Variants in ZYG11B observed in about 807,000 individuals in gnomAD.
ZYG11B encodes protein zyg-11 homolog B.
A neutral mutation model predicts 82.4 loss-of-function variants in ZYG11B; 36 were observed. The ratio of observed to expected loss-of-function variants is 0.44; its 90% CI spans 0.33 to 0.58. The LOEUF is 0.58. Among genes scored for constraint, ZYG11B ranks in the 20% least tolerant of loss-of-function variants. ZYG11B has a pLI of 0.02. For synonymous variants in ZYG11B, 303 were observed against 312.8 expected (o/e 0.97, Z 0.33); for missense variants, 552 against 895.6 (o/e 0.62, Z 4.90).
chr1:52,783,886 G>GTACATACACGTGTGTGTGTATA (rs1644884382), intron 4 of ZYG11B, among the ~76,000 whole-genome samples: 3 of 136,584 alleles, frequency 2.2e-5, no homozygotes, highest in Admixed American at 7.2e-5. Flanking sequence ...GTGTGTATAT[G>GTACATACACGTGTGTGTGTATA]TACATACACG....
intron 2 of ZYG11B, among the ~76,000 whole-genome samples, chr1:52,764,477 C>T (rs544575642): frequency 5.3e-5 from 8 of 152,056 alleles, no homozygotes; most frequent in African/African-American, 1.9e-4. Flanking sequence ...TTCTATAAAT[C>T]GGTCCTAGGT....
At chr1:52,798,727 T>C (rs1013298248) in intron 8 of ZYG11B, among the ~76,000 whole-genome samples, 2 of 152,210 alleles carry the variant, frequency 1.3e-5, no homozygotes, top group African/African-American at 4.8e-5. Context: ...GGGAAGCAGA[T>C]ACATGATTTT....
intron 2 of ZYG11B, among the ~76,000 whole-genome samples, chr1:52,770,115 A>G (rs1644737222): frequency 7.1e-6 from 1 of 141,552 alleles, no homozygotes; most frequent in African/African-American, 2.6e-5. Context: ...TTTCAGAGAC[A>G]GGTTCTCACT....
chr1:52,803,121 C>CAT (rs1183952286), intron 10 of ZYG11B, among the ~76,000 whole-genome samples: 5,625 of 51,978 alleles, frequency 0.11, 723 homozygotes, highest in East Asian at 0.26. Flanking sequence ...TATATATACA[C>CAT]ACATATATAT....
intron 10 of ZYG11B, among the ~76,000 whole-genome samples, chr1:52,803,221 TATACACACATATATATATACAC>T (rs1645105424): frequency 1.4e-5 from 1 of 74,040 alleles, no homozygotes; most frequent in Admixed American, 1.7e-4. Flanking sequence ...CATATATATA[TATACACACATATATATATACAC>T]ACACACATAT....
chr1:52,748,338 A>G (rs1483321852), intron 1 of ZYG11B, among the ~76,000 whole-genome samples: 1 of 152,120 alleles, frequency 6.6e-6, no homozygotes, highest in Non-Finnish European at 1.5e-5. Context: ...TATCTCTGAT[A>G]TGTAAATTAA....
intron 8 of ZYG11B, among the ~76,000 whole-genome samples, chr1:52,797,886 G>A (rs193155463): frequency 3.3e-5 from 5 of 152,120 alleles, no homozygotes; most frequent in East Asian, 1.9e-4. Context: ...CACTTTGGGA[G>A]GCCAAGGCAG....
At chr1:52,726,720 G>T in intron 1 of ZYG11B, 37 bp downstream of exon 1, 1 of 1,453,086 alleles carries the variant, frequency 6.9e-7, no homozygotes, top group Admixed American at 2.5e-5. Flanking sequence ...GCAGCCGCCC[G>T]CCACCCTAGC....
rs774775340 is a variant in ZYG11B at position 52,803,191 on chromosome 1, CATATATATATAT to C, written c.1695+1054_1695+1065del. Among the ~76,000 whole-genome samples, 3,605 of 69,178 alleles carry C rather than the reference CATATATATATAT, an allele frequency of 0.052. 520 individuals are homozygous for C. In the East Asian group the frequency reaches 0.54, roughly 10 times the overall value. 45.4% of individuals were successfully genotyped at this position (69,178 alleles called of 152,430 possible). ...ATACACACATATATATATATATACA[CATATATATATAT>C]ACACACACATATATATATATACACA... On this transcript the variant is annotated intron_variant, in intron 10 of 13. Coordinates refer to ENST00000294353, the MANE Select transcript of ZYG11B (RefSeq NM_024646.3).
At chr1:52,756,375 A>T in intron 1 of ZYG11B, 83 bp from the exon 2 acceptor site, 1 of 1,333,704 alleles carries the variant, frequency 7.5e-7, no homozygotes, top group Non-Finnish European at 1.1e-6. Context: ...TGAAATGAGT[A>T]AATGAATGTT....
At chr1:52,779,208 G>T (rs866192440) in intron 3 of ZYG11B, among the ~76,000 whole-genome samples, 2 of 152,160 alleles carry the variant, frequency 1.3e-5, no homozygotes, top group East Asian at 1.9e-4. Flanking sequence ...AGGTCATACA[G>T]TTATAACATT....
chr1:52,803,279 C>CATATATAT (rs1553262863), intron 10 of ZYG11B, among the ~76,000 whole-genome samples: 4 of 68,104 alleles, frequency 5.9e-5, no homozygotes, highest in African/African-American at 2.5e-4. Context: ...CACACACACA[C>CATATATAT]ATATATATAT....
chr1:52,818,641 A>AT (rs1313483589), intron 13 of ZYG11B, among the ~76,000 whole-genome samples: 1 of 152,012 alleles, frequency 6.6e-6, no homozygotes, highest in Admixed American at 6.6e-5. Context: ...AGGGGAGAGA[A>AT]TTTTTTATGA....
Position 52,827,154 on chromosome 1 carries a change from T to C in ZYG11B, c.*5525T>C, listed in dbSNP as rs2149972620. 1 of 152,334 alleles carries C rather than the reference T, an allele frequency of 6.6e-6. No individual in the cohort carries two copies. Among genetic ancestry groups the C allele is most frequent in the Middle Eastern group, 3.4e-3 (1 of 294 alleles). 9.4% of individuals were successfully genotyped at this position (152,334 alleles called of 1,614,324 possible). On this transcript the variant is annotated 3_prime_UTR_variant, in exon 14 of 14. Transcript: ENST00000294353. Reference sequence around the variant, plus strand: ...TAAAAAATTCATTGGAAAGTGTGTATATTTCAAAGACTCTCAATTATCTGG... The same window carrying C: ...TAAAAAATTCATTGGAAAGTGTGTACATTTCAAAGACTCTCAATTATCTGG...
rs1553261678 is a variant in ZYG11B at position 52,793,887 on chromosome 1, C to CCTTCCTTCCTTCCTTA, written c.1335-2390_1335-2389insACTTCCTTCCTTCCTT. On this transcript the variant is annotated intron_variant, in intron 6 of 13. Coordinates refer to ENST00000294353, the MANE Select transcript of ZYG11B (RefSeq NM_024646.3). ...TCTTTCTTTCCTTCCTTCCTTCCTTCCTTCCTTCCTTCCTTTCTTTCCTTT... is the reference window on the plus strand; with the variant it reads ...TCTTTCTTTCCTTCCTTCCTTCCTTCCTTCCTTCCTTCCTTACTTCCTTCCTTCCTTTCTTTCCTTT... Among the ~76,000 whole-genome samples the CCTTCCTTCCTTCCTTA allele has an allele frequency of 7.5e-3, 1,086 of 144,950 alleles. 11 individuals carry two copies. The highest frequency in any genetic ancestry group is 0.016 in the African/African-American group (592 of 37,590).
chr1:52,809,445 C>T (rs1645166173), intron 10 of ZYG11B, among the ~76,000 whole-genome samples: 1 of 152,164 alleles, frequency 6.6e-6, no homozygotes, highest in South Asian at 2.1e-4. Context: ...GCCTCTGCCT[C>T]CCAAAGTGCT....
intron 1 of ZYG11B, among the ~76,000 whole-genome samples, chr1:52,726,890 C>T (rs1644288896): frequency 6.6e-6 from 1 of 152,056 alleles, no homozygotes; most frequent in African/African-American, 2.4e-5. Context: ...GGTGACACCC[C>T]CTGAATCTCC....
chr1:52,756,625 TA>T lies in ZYG11B; in HGVS notation c.196+9del. 1.3e-6 allele frequency: 2 copies of T among 1,595,886 alleles called. No individual in the cohort carries two copies. Among genetic ancestry groups the T allele is most frequent in the Non-Finnish European group, 1.7e-6 (2 of 1,169,950 alleles). On this transcript the variant is annotated splice_donor_region_variant and intron_variant, in intron 2 of 13. Coordinates refer to ENST00000294353, the MANE Select transcript of ZYG11B (RefSeq NM_024646.3). ...TGCTTCGGACCATGGCTTTTCATGG[TA>T]AAAAAATAAACAGAGGAAACAAAAA... is the stretch of plus-strand genomic sequence containing the variant.
chr1:52,757,673 TCAAAA>T (rs1644591233), intron 2 of ZYG11B, among the ~76,000 whole-genome samples: 1 of 151,864 alleles, frequency 6.6e-6, no homozygotes, highest in Admixed American at 6.6e-5. Flanking sequence ...AGACTCTGTC[TCAAAA>T]CAAACAAACT....
Sources: gnomAD v4.1 joint callset for allele counts (sites outside exome capture counted in the v4.1 genomes callset) on GRCh38, gnomAD v4.1.1 for gene constraint, MANE v1.5 for transcripts, NCBI Gene and HGNC (gene_info 2026-07-23, HGNC 2026-07-21) for gene names.